Variants in LIMA1 observed in about 807,000 individuals in gnomAD.
The protein encoded by LIMA1 is LIM domain and actin binding 1, also known as LIM domain and actin-binding protein 1.
LIMA1 carries 52 observed loss-of-function variants against 62.6 expected under a neutral mutation model. The observed-to-expected ratio is 0.83, with a 90% CI of 0.67 to 1.05. The LOEUF (loss-of-function observed/expected upper bound fraction) is 1.05, where lower values mean the gene tolerates loss of function less well. LIMA1 is among the 50% of genes least tolerant of loss of function. The pLI, the probability that LIMA1 is intolerant of heterozygous loss-of-function variation, is 0.00. For synonymous variants in LIMA1, 302 were observed against 317.8 expected, an observed-to-expected ratio of 0.95 and a Z score of 0.53; for missense variants, 780 against 902.2, an observed-to-expected ratio of 0.86 and a Z score of 1.74.
intron 2 of LIMA1, among the ~76,000 whole-genome samples, chr12:50,235,438 G>T (rs1466630563): frequency 2.6e-5 from 4 of 151,562 alleles, no homozygotes; most frequent in Non-Finnish European, 5.9e-5. Context: ...GCTAATTTTT[G>T]TTTTTTTACT....
In LIMA1 at chr12:50,277,993, C is replaced by T. The variant is rs186625951; in HGVS notation, c.-24+5427G>A. Among the ~76,000 whole-genome samples the T allele has an allele frequency of 3.9e-5, 6 of 152,236 alleles. No individual in the cohort carries two copies. In the East Asian group the frequency reaches 5.8e-4, roughly 15 times the overall value. ...TTAGTAAAGATTAAAAAATAATATT[C>T]GGGCCGGGCGCGGTGGCTCATGCTG... On this transcript the variant is annotated intron_variant, in intron 1 of 10. Coordinates refer to ENST00000341247, the MANE Select transcript of LIMA1 (RefSeq NM_016357.5).
intron 5 of LIMA1, among the ~76,000 whole-genome samples, chr12:50,205,618 C>T (rs188658408): frequency 1.3e-5 from 2 of 151,958 alleles, no homozygotes; most frequent in East Asian, 3.9e-4. Context: ...GCCCTCAAAC[C>T]CCAGATGACT....
intron 1 of LIMA1, among the ~76,000 whole-genome samples, chr12:50,263,734 C>T (rs1213889185): frequency 6.7e-6 from 1 of 149,724 alleles, no homozygotes; most frequent in Non-Finnish European, 1.5e-5. Context: ...TCTGGTGGTT[C>T]CTCAAAAGAT....
intron 1 of LIMA1, among the ~76,000 whole-genome samples, chr12:50,258,560 G>T (rs1039511231): frequency 2.0e-5 from 3 of 151,378 alleles, no homozygotes; most frequent in African/African-American, 4.9e-5. Context: ...GCCTCCCAAA[G>T]TGCTGGGATT....
Position 50,177,540 on chromosome 12 carries a change from C to A in LIMA1, c.1804G>T (p.Val602Phe). 6.2e-7 allele frequency: 1 copy of A among 1,611,582 alleles called. No individual in the cohort carries two copies. The highest frequency in any genetic ancestry group is 8.5e-7 in the Non-Finnish European group (1 of 1,179,042). Residue 602 changes from valine (V) to phenylalanine (F), a missense_variant, in exon 11 of 11, where the codon GTC (valine) becomes TTC (phenylalanine). Coordinates refer to ENST00000341247, the MANE Select transcript of LIMA1 (RefSeq NM_016357.5). ...GGGGACACAGTTTTTGGGCTCTTGA[C>A]AGAGGTGCTTTGAAATGAAGCTGCT... ...TVAASFQSTS[V>F]KSPKTVSPPI...
intron 1 of LIMA1, among the ~76,000 whole-genome samples, chr12:50,271,460 G>C (rs987617958): frequency 2.0e-5 from 3 of 151,942 alleles, no homozygotes; most frequent in African/African-American, 7.3e-5. Flanking sequence ...CCCCGTCCCA[G>C]CTGATCATTA....
intron 1 of LIMA1, among the ~76,000 whole-genome samples, chr12:50,267,134 A>G (rs1242849002): frequency 1.3e-5 from 2 of 151,984 alleles, no homozygotes; most frequent in African/African-American, 4.8e-5. Context: ...CAGTTGCGCA[A>G]TCTCGGCTCA....
At chr12:50,185,915 T>G in intron 9 of LIMA1, 1 of 157,388 alleles carries the variant, frequency 6.4e-6, no homozygotes, top group South Asian at 1.9e-4. Context: ...ATCAACCCTT[T>G]TCAATATTAT....
At position 50,206,930 on chromosome 12, in the gene LIMA1, A is replaced by AT. The variant is rs983216503; in HGVS notation, c.631-863dup. Among the ~76,000 whole-genome samples, 150 of 147,086 alleles carry AT rather than the reference A, an allele frequency of 1.0e-3. 2 individuals carry two copies. The Middle Eastern group carries it at 0.01, about 10-fold the overall frequency. Reference sequence around the variant, plus strand: ...ACTTACAGAAAAGTGGATGACACAGATTTTTTTTTTTTGAGACAGAGTCTC... The same window carrying AT: ...ACTTACAGAAAAGTGGATGACACAGATTTTTTTTTTTTTGAGACAGAGTCTC... On this transcript the variant is annotated intron_variant, in intron 4 of 10. Coordinates refer to ENST00000341247, the MANE Select transcript of LIMA1 (RefSeq NM_016357.5).
rs1276203757 is a variant in LIMA1, at chr12:50,193,593, GAT to G, written c.1031-1034_1031-1033del. On this transcript the variant is annotated intron_variant, in intron 8 of 10. Transcript: ENST00000341247. ...ATGATATATATATACATGTATATAT[GAT>G]ATATATATACATGTATATATATATA... 2.5e-4 allele frequency among the ~76,000 whole-genome samples: 13 copies of G among 50,990 alleles called. 1 individual carries two copies. Among genetic ancestry groups the G allele is most frequent in the South Asian group, 2.0e-3 (3 of 1,492 alleles). 33.5% of individuals were successfully genotyped at this position (50,990 alleles called of 152,430 possible).
intron 4 of LIMA1, among the ~76,000 whole-genome samples, chr12:50,208,889 C>A (rs1211328424): frequency 6.6e-6 from 1 of 151,976 alleles, no homozygotes; most frequent in African/African-American, 2.4e-5. Flanking sequence ...GCATTCCAGC[C>A]TGGGTGATGA....
Position 50,269,920 on chromosome 12 carries a change from AAT to A in LIMA1, c.-24+13498_-24+13499del, listed in dbSNP as rs1491400250. Reference sequence around the variant, plus strand: ...GGGCAACAAGAGCAAAACTCCGTCAAATAAAAAAAAAAAAAAAAAAAAAATTT... The same window carrying A: ...GGGCAACAAGAGCAAAACTCCGTCAAAAAAAAAAAAAAAAAAAAAAAATTT... On this transcript the variant is annotated intron_variant, in intron 1 of 10. Coordinates refer to ENST00000341247, the MANE Select transcript of LIMA1 (RefSeq NM_016357.5). 4.8e-4 allele frequency among the ~76,000 whole-genome samples: 65 copies of A among 135,018 alleles called. 6 individuals are homozygous for A. The highest frequency in any genetic ancestry group is 7.2e-4 in the African/African-American group (24 of 33,476). The allele number at this position is 135,018 out of a possible 152,430, so 88.6% of individuals were successfully genotyped here.
chr12:50,205,178 A>T (rs985545711), intron 5 of LIMA1, among the ~76,000 whole-genome samples: 5 of 151,942 alleles, frequency 3.3e-5, no homozygotes, highest in Non-Finnish European at 7.4e-5. Context: ...CTTGGGCTCA[A>T]ATGATCCAAC....
rs556998958 is a variant in LIMA1 at position 50,203,242 on chromosome 12, T to C, written c.864+1310A>G. ...GTTGGCCAGGCTGGTTCTGAACTCC[T>C]GACTTCAAATGACCCACCCACCTCA... On this transcript the variant is annotated intron_variant, in intron 6 of 10. Transcript: ENST00000341247. Among the ~76,000 whole-genome samples the C allele has an allele frequency of 1.2e-4, 18 of 151,920 alleles. No homozygotes were observed. The South Asian group carries it at 3.3e-3, about 28-fold the overall frequency.
intron 1 of LIMA1, among the ~76,000 whole-genome samples, chr12:50,279,387 T>G (rs1212870589): frequency 1.3e-5 from 2 of 150,816 alleles, no homozygotes; most frequent in Non-Finnish European, 3.0e-5. Flanking sequence ...TATTTTTAAA[T>G]GTGTTGGCAT....
chr12:50,227,645 A>G (rs1344285636), intron 3 of LIMA1, among the ~76,000 whole-genome samples: 1 of 152,014 alleles, frequency 6.6e-6, no homozygotes, highest in Non-Finnish European at 1.5e-5. Flanking sequence ...TTATGCCTTC[A>G]TGCTGTGCGT....
At chr12:50,208,755 C>A (rs952340655) in intron 4 of LIMA1, among the ~76,000 whole-genome samples, 2 of 151,892 alleles carry the variant, frequency 1.3e-5, no homozygotes, top group Non-Finnish European at 2.9e-5. Flanking sequence ...TGCCTGTAAT[C>A]CCAACACTTT....
chr12:50,212,924 C>T (rs1404985036), intron 4 of LIMA1, among the ~76,000 whole-genome samples: 1 of 152,182 alleles, frequency 6.6e-6, no homozygotes, highest in Non-Finnish European at 1.5e-5. Flanking sequence ...AGGCAATTCT[C>T]TTGCCTCAGG....
intron 9 of LIMA1, among the ~76,000 whole-genome samples, chr12:50,183,708 G>C (rs990553579): frequency 6.6e-6 from 1 of 151,320 alleles, no homozygotes; most frequent in African/African-American, 2.4e-5. Flanking sequence ...CTACTCGGGA[G>C]GCTGAGGCAG....
Sources: allele counts gnomAD v4.1 joint callset (sites outside exome capture counted in the v4.1 genomes callset), GRCh38; gene constraint gnomAD v4.1.1; transcripts MANE v1.5; gene names NCBI Gene and HGNC (gene_info 2026-07-23, HGNC 2026-07-21).